Variants in FAF2 observed in about 807,000 individuals in gnomAD.
The protein encoded by FAF2 is FAS-associated factor 2.
A neutral mutation model predicts 62.3 loss-of-function variants in FAF2; 9 were observed. That is an observed-to-expected ratio of 0.14 (90% CI 0.09 to 0.25). The LOEUF is 0.25. Ranked by LOEUF, FAF2 falls within the 10% of genes least tolerant of loss-of-function variation. The probability of loss-of-function intolerance (pLI) is 1.00; values close to 1 mark genes in which losing one functional copy is unlikely to be tolerated. For synonymous variants in FAF2, 202 were observed against 198.0 expected (o/e 1.02, Z -0.17); for missense variants, 368 against 556.2 (o/e 0.66, Z 3.40).
At chr5:176,506,690 TGTGTGTG>T in intron 10 of FAF2, 71 bp from the exon 11 acceptor site, 25 of 1,155,002 alleles carry the variant, frequency 2.2e-5, no homozygotes, top group Non-Finnish European at 3.0e-5. Context: ...ACTTCAGAGT[TGTGTGTG>T]CGTGTGTGCG....
chr5:176,467,129 CTTT>C (rs374702773), intron 1 of FAF2, among the ~76,000 whole-genome samples: 1,163 of 94,030 alleles, frequency 0.012, 9 homozygotes, highest in African/African-American at 0.049. Context: ...TTTTTTTTTC[CTTT>C]TTTTTTTTTT....
chr5:176,489,666 T>C (rs1027404785), intron 4 of FAF2, among the ~76,000 whole-genome samples: 3 of 152,112 alleles, frequency 2.0e-5, no homozygotes, highest in East Asian at 1.9e-4. Context: ...GCCTCCCAGA[T>C]AGCTGGGATT....
chr5:176,466,467 C>T (rs1444973575), intron 1 of FAF2, among the ~76,000 whole-genome samples: 2 of 152,178 alleles, frequency 1.3e-5, no homozygotes, highest in Non-Finnish European at 2.9e-5. Context: ...CCCCGTGCAG[C>T]GTTTGTTAGT....
In FAF2 at chr5:176,502,877, G is replaced by A. The variant is rs567856718; in HGVS notation, c.1155+2731G>A. On this transcript the variant is annotated intron_variant, in intron 10 of 10. Coordinates refer to ENST00000261942, the MANE Select transcript of FAF2 (RefSeq NM_014613.3). Reference sequence around the variant, plus strand: ...AGCCTGGCCAATATGGTGAAACGCCGTCTTTACTAAAAGTACAAAAATTAG... The same window carrying A: ...AGCCTGGCCAATATGGTGAAACGCCATCTTTACTAAAAGTACAAAAATTAG... 7.9e-5 allele frequency among the ~76,000 whole-genome samples: 12 copies of A among 151,478 alleles called. No individual in the cohort carries two copies. The South Asian group carries it at 8.4e-4, about 11-fold the overall frequency.
intron 1 of FAF2, 34 bp from the exon 2 acceptor site, chr5:176,479,154 T>C: frequency 6.3e-7 from 1 of 1,590,990 alleles, no homozygotes. Context: ...TGTTGGTTTT[T>C]CTCTAAGTAA....
In FAF2 at chr5:176,507,341, C is replaced by T. The variant is rs1755703925; in HGVS notation, c.*391C>T. On this transcript the variant is annotated 3_prime_UTR_variant, in exon 11 of 11. Coordinates refer to ENST00000261942, the MANE Select transcript of FAF2 (RefSeq NM_014613.3). ...TATGAAAAATAAAAGTGAAAAACCT[C>T]CATCAACCAGCTACTTGCAGCATCT... The T allele has an allele frequency of 2.2e-6, 1 of 453,662 alleles. No homozygotes were observed. Among genetic ancestry groups the T allele is most frequent in the South Asian group, 1.6e-5 (1 of 63,902 alleles). 28.1% of individuals were successfully genotyped at this position (453,662 alleles called of 1,614,324 possible).
intron 5 of FAF2, among the ~76,000 whole-genome samples, chr5:176,492,934 A>G (rs189540322): frequency 1.4e-4 from 21 of 152,370 alleles, no homozygotes; most frequent in African/African-American, 4.6e-4. Context: ...GAATAAGGAC[A>G]TAGACCATAG....
chr5:176,472,608 T>C (rs1047893382), intron 1 of FAF2, among the ~76,000 whole-genome samples: 5 of 151,180 alleles, frequency 3.3e-5, no homozygotes, highest in Non-Finnish European at 7.4e-5. Context: ...AAAAGTTCCT[T>C]CATACAGGCC....
At position 176,493,988 on chromosome 5, in the gene FAF2, C is replaced by T. The variant is rs776388293; in HGVS notation, c.484-11C>T. Reference sequence around the variant, plus strand: ...TCTTCTTAATAGTGAGTGACCTTCTCTTTCTCACAGGCACTTAACGATGCC... The same window carrying T: ...TCTTCTTAATAGTGAGTGACCTTCTTTTTCTCACAGGCACTTAACGATGCC... On this transcript the variant is annotated splice_polypyrimidine_tract_variant and intron_variant, in intron 5 of 10. Coordinates refer to ENST00000261942, the MANE Select transcript of FAF2 (RefSeq NM_014613.3). 3.1e-6 allele frequency: 5 copies of T among 1,605,564 alleles called. No homozygotes were observed. The South Asian group carries it at 4.4e-5, about 14-fold the overall frequency.
At chr5:176,503,182 G>A (rs1755623550) in intron 10 of FAF2, among the ~76,000 whole-genome samples, 1 of 152,232 alleles carries the variant, frequency 6.6e-6, no homozygotes, top group South Asian at 2.1e-4. Context: ...TGCCCTGGTG[G>A]TGCTGGCCTG....
At chr5:176,489,607 G>A (rs1350895031) in intron 4 of FAF2, among the ~76,000 whole-genome samples, 6 of 151,982 alleles carry the variant, frequency 3.9e-5, no homozygotes, top group Admixed American at 2.0e-4. Context: ...CCACCATCTC[G>A]ACTCACTGCA....
At chr5:176,462,000 G>A (rs369594601) in intron 1 of FAF2, among the ~76,000 whole-genome samples, 6 of 152,140 alleles carry the variant, frequency 3.9e-5, no homozygotes, top group African/African-American at 1.2e-4. Context: ...AGAAAAGCTA[G>A]GTGCAGTGTC....
Position 176,507,001 on chromosome 5 carries a change from A to G in FAF2, c.*51A>G, listed in dbSNP as rs779254836. 9.3e-6 allele frequency: 12 copies of G among 1,284,014 alleles called. No homozygotes were observed. The East Asian group carries it at 3.4e-4, about 36-fold the overall frequency. 79.5% of individuals were successfully genotyped at this position (1,284,014 alleles called of 1,614,324 possible). On this transcript the variant is annotated 3_prime_UTR_variant, in exon 11 of 11. Coordinates refer to ENST00000261942, the MANE Select transcript of FAF2 (RefSeq NM_014613.3). Reference sequence around the variant, plus strand: ...ACCCCAGTCCCTAAAAGAAATGGGGAAAAAAGAAAACAACAGCAAGTCAGA... The same window carrying G: ...ACCCCAGTCCCTAAAAGAAATGGGGGAAAAAGAAAACAACAGCAAGTCAGA...
chr5:176,491,434 T>C (rs891369366), intron 4 of FAF2, among the ~76,000 whole-genome samples: 1 of 152,202 alleles, frequency 6.6e-6, no homozygotes, highest in East Asian at 1.9e-4. Context: ...TCCTCCATGG[T>C]TGCCATCAAC....
At chr5:176,463,724 G>GTTTTT (rs200216378) in intron 1 of FAF2, among the ~76,000 whole-genome samples, 2 of 129,534 alleles carry the variant, frequency 1.5e-5, no homozygotes, top group Admixed American at 7.9e-5. Flanking sequence ...GTTATTGCAT[G>GTTTTT]TTTTTTTTTT....
intron 1 of FAF2, among the ~76,000 whole-genome samples, chr5:176,476,201 A>G (rs908944414): frequency 6.6e-6 from 1 of 152,090 alleles, no homozygotes; most frequent in Non-Finnish European, 1.5e-5. Flanking sequence ...AGAGGTTGCA[A>G]GTGAGCCAAG....
intron 5 of FAF2, among the ~76,000 whole-genome samples, chr5:176,492,951 G>A (rs1280051938): frequency 2.0e-5 from 3 of 152,114 alleles, no homozygotes; most frequent in Non-Finnish European, 4.4e-5. Flanking sequence ...ATAGACTCAG[G>A]GTAGCACATC....
chr5:176,490,694 C>G (rs922943537), intron 4 of FAF2, among the ~76,000 whole-genome samples: 1 of 152,180 alleles, frequency 6.6e-6, no homozygotes, highest in Non-Finnish European at 1.5e-5. Flanking sequence ...GCTTAGTACT[C>G]TTTCCATCCC....
At chr5:176,456,711 A>G (rs763812344) in intron 1 of FAF2, among the ~76,000 whole-genome samples, 1 of 152,086 alleles carries the variant, frequency 6.6e-6, no homozygotes, top group Non-Finnish European at 1.5e-5. Context: ...ATATATTTTG[A>G]TCTGGAGGAA....
Sources: gnomAD v4.1 joint callset for allele counts (sites outside exome capture counted in the v4.1 genomes callset) on GRCh38, gnomAD v4.1.1 for gene constraint, MANE v1.5 for transcripts, NCBI Gene and HGNC (gene_info 2026-07-23, HGNC 2026-07-21) for gene names.